The following SLC2A13 variants were observed in gnomAD, a reference collection of about 807,000 sequenced individuals.
SLC2A13 encodes solute carrier family 2 member 13.
In SLC2A13, 32 loss-of-function variants were observed where a neutral mutation model predicts 64.4. The ratio of observed to expected loss-of-function variants is 0.50; its 90% CI spans 0.37 to 0.67. The LOEUF (loss-of-function observed/expected upper bound fraction) is 0.67, where lower values mean the gene tolerates loss of function less well. SLC2A13 is among the 30% of genes least tolerant of loss of function. The pLI, the probability that SLC2A13 is intolerant of heterozygous loss-of-function variation, is 0.00. For synonymous variants in SLC2A13, 338 were observed against 327.1 expected (o/e 1.03, Z -0.36); for missense variants, 743 against 829.2 (o/e 0.90, Z 1.28).
At chr12:39,909,035 T>G (rs10784274) in intron 4 of SLC2A13, among the ~76,000 whole-genome samples, 74,564 of 151,732 alleles carry the variant, frequency 0.49, 19,310 homozygotes, top group Middle Eastern at 0.58. Flanking sequence ...TATAATTTCA[T>G]GGGAGCAGAG....
At chr12:39,830,524 T>C (rs1351480814) in intron 6 of SLC2A13, 14 of 1,076,018 alleles carry the variant, frequency 1.3e-5, no homozygotes, top group Non-Finnish European at 1.6e-5. Context: ...AAATAAACTT[T>C]TGCTTTCCTA....
intron 3 of SLC2A13, among the ~76,000 whole-genome samples, chr12:39,984,033 C>G (rs1946976159): frequency 6.6e-6 from 1 of 151,848 alleles, no homozygotes; most frequent in Non-Finnish European, 1.5e-5. Flanking sequence ...TTTGTAGGGA[C>G]ATGGATGAAA....
chr12:39,789,307 T>G (rs962138036), intron 7 of SLC2A13, among the ~76,000 whole-genome samples: 3 of 152,102 alleles, frequency 2.0e-5, no homozygotes, highest in Non-Finnish European at 4.4e-5. Context: ...TGGATTATTA[T>G]ATGATTTATT....
At chr12:40,104,969 G>A (rs1565629427) in intron 1 of SLC2A13, among the ~76,000 whole-genome samples, 1 of 152,166 alleles carries the variant, frequency 6.6e-6, no homozygotes, top group Non-Finnish European at 1.5e-5. Flanking sequence ...GAAGTGCTGA[G>A]AGGCAACAAC....
At chr12:39,893,899 A>G (rs1181918463) in intron 4 of SLC2A13, among the ~76,000 whole-genome samples, 1 of 152,240 alleles carries the variant, frequency 6.6e-6, no homozygotes, top group African/African-American at 2.4e-5. Context: ...GAAAAAGTAA[A>G]TCCATTATTT....
At chr12:39,841,564 A>G (rs1281516896) in intron 6 of SLC2A13, among the ~76,000 whole-genome samples, 1 of 152,136 alleles carries the variant, frequency 6.6e-6, no homozygotes, top group Non-Finnish European at 1.5e-5. Context: ...ATCTATATAC[A>G]TATACATATG....
At chr12:39,947,658 C>CTTTT (rs35298500) in intron 4 of SLC2A13, among the ~76,000 whole-genome samples, 10 of 122,222 alleles carry the variant, frequency 8.2e-5, no homozygotes, top group Admixed American at 2.5e-4. Flanking sequence ...GTGAGAATTT[C>CTTTT]TTTTTTTTTT....
chr12:39,768,834 T>C (rs150895761), intron 7 of SLC2A13, among the ~76,000 whole-genome samples: 20 of 152,064 alleles, frequency 1.3e-4, no homozygotes, highest in Non-Finnish European at 1.6e-4. Flanking sequence ...ATTGGAAATA[T>C]GGTGACAATA....
At chr12:39,786,556 C>T (rs751904042) in intron 7 of SLC2A13, among the ~76,000 whole-genome samples, 33 of 152,180 alleles carry the variant, frequency 2.2e-4, no homozygotes, top group Non-Finnish European at 3.4e-4. Flanking sequence ...ATCTGGAGTG[C>T]ATTCTAAGCA....
intron 1 of SLC2A13, among the ~76,000 whole-genome samples, chr12:40,087,907 C>T (rs991242233): frequency 6.6e-6 from 1 of 152,020 alleles, no homozygotes; most frequent in East Asian, 1.9e-4. Context: ...ATTATAAGTA[C>T]AAATAACTAT....
rs772438056 is a variant in SLC2A13 at position 40,028,517 on chromosome 12, G to GA, written c.717-9dup. 3.7e-6 allele frequency: 6 copies of GA among 1,607,280 alleles called. No homozygotes were observed. Among genetic ancestry groups the GA allele is most frequent in the Non-Finnish European group, 4.2e-6 (5 of 1,178,048 alleles). ...GCAAGTCCCAACATGTACCTGCAAA[G>GA]AAAAAAAATCCACATTTACTGTAAA... On this transcript the variant is annotated splice_polypyrimidine_tract_variant and intron_variant, in intron 2 of 9. Transcript: ENST00000280871.
chr12:39,868,784 C>G (rs935433574), intron 5 of SLC2A13, among the ~76,000 whole-genome samples: 9 of 152,118 alleles, frequency 5.9e-5, no homozygotes, highest in Non-Finnish European at 1.2e-4. Context: ...GTTCTCTGAA[C>G]AAGCTTTGAA....
chr12:39,761,093 A>T (rs1940126780), intron 9 of SLC2A13, among the ~76,000 whole-genome samples: 1 of 152,192 alleles, frequency 6.6e-6, no homozygotes, highest in African/African-American at 2.4e-5. Flanking sequence ...CATCATGTGT[A>T]TGAGATGGGG....
intron 4 of SLC2A13, among the ~76,000 whole-genome samples, chr12:39,936,506 T>G (rs1251877784): frequency 6.6e-6 from 1 of 152,168 alleles, no homozygotes; most frequent in East Asian, 1.9e-4. Context: ...CCAGCTATAT[T>G]TCCTGCCTTT....
chr12:40,071,499 G>A (rs1188325722), intron 1 of SLC2A13, among the ~76,000 whole-genome samples: 1 of 151,970 alleles, frequency 6.6e-6, no homozygotes, highest in Non-Finnish European at 1.5e-5. Context: ...TTCTGGCTTT[G>A]GTATTAATAC....
chr12:39,891,746 A>T (rs1944614860), intron 4 of SLC2A13, among the ~76,000 whole-genome samples: 1 of 152,192 alleles, frequency 6.6e-6, no homozygotes, highest in Admixed American at 6.5e-5. Flanking sequence ...ATAGGCTCAG[A>T]TCAGGGCTCA....
At chr12:39,986,474 A>T (rs987098108) in intron 3 of SLC2A13, among the ~76,000 whole-genome samples, 1 of 152,012 alleles carries the variant, frequency 6.6e-6, no homozygotes, top group African/African-American at 2.4e-5. Context: ...TTTTAAGTTC[A>T]ATCTGTTGCA....
intron 7 of SLC2A13, among the ~76,000 whole-genome samples, chr12:39,782,818 G>A (rs919295018): frequency 4.6e-5 from 7 of 152,166 alleles, no homozygotes; most frequent in African/African-American, 1.7e-4. Context: ...TGGTCTCAGA[G>A]GGAGATGAGG....
intron 3 of SLC2A13, among the ~76,000 whole-genome samples, chr12:39,958,548 C>G (rs1946356739): frequency 6.6e-6 from 1 of 152,196 alleles, no homozygotes; most frequent in African/African-American, 2.4e-5. Flanking sequence ...TCCATCCCGC[C>G]TCCACATTGC....
Sources: allele counts gnomAD v4.1 joint callset (sites outside exome capture counted in the v4.1 genomes callset), GRCh38; gene constraint gnomAD v4.1.1; transcripts MANE v1.5; gene names NCBI Gene and HGNC (gene_info 2026-07-23, HGNC 2026-07-21).